The following XPOT variants were observed in gnomAD, a reference collection of about 807,000 sequenced individuals.
The protein encoded by XPOT is exportin for tRNA.
In XPOT, 34 loss-of-function variants were observed where a neutral mutation model predicts 128.2. The observed-to-expected ratio is 0.27, with a 90% CI of 0.20 to 0.35. The LOEUF is 0.35. XPOT is among the 10% of genes least tolerant of loss of function. XPOT has a pLI of 1.00. For missense variants in XPOT, 838 were observed against 1,125.3 expected, an observed-to-expected ratio of 0.74 and a Z score of 3.65; for synonymous variants, 348 against 394.3, an observed-to-expected ratio of 0.88 and a Z score of 1.39.
chr12:64,423,063 T>C lies in XPOT; in HGVS notation c.1119+20T>C. On this transcript the variant is annotated intron_variant, in intron 10 of 24. Transcript: ENST00000332707. ...GTAGAGGTAATTGACTTTATGCTTCTTTTAAACCAATGATAGATTTTTAGT... is the reference window on the plus strand; with the variant it reads ...GTAGAGGTAATTGACTTTATGCTTCCTTTAAACCAATGATAGATTTTTAGT... 6.2e-7 allele frequency: 1 copy of C among 1,612,396 alleles called. No individual in the cohort carries two copies. Among genetic ancestry groups the C allele is most frequent in the Non-Finnish European group, 8.5e-7 (1 of 1,179,456 alleles).
chr12:64,445,931 C>T (rs1450381977), intron 24 of XPOT, among the ~76,000 whole-genome samples: 4 of 152,206 alleles, frequency 2.6e-5, no homozygotes, highest in African/African-American at 9.6e-5. Context: ...AGTCAGAGGG[C>T]TTTGCGCAGT....
intron 17 of XPOT, among the ~76,000 whole-genome samples, chr12:64,430,908 C>T (rs974713316): frequency 6.6e-6 from 1 of 152,048 alleles, no homozygotes; most frequent in African/African-American, 2.4e-5. Flanking sequence ...TCTTTTCTGT[C>T]CACTTTGTCA....
rs369937831 is a variant in XPOT at position 64,428,494 on chromosome 12, G to A, written c.1737+374G>A. 1.2e-4 allele frequency among the ~76,000 whole-genome samples: 19 copies of A among 152,044 alleles called. No homozygotes were observed. In the South Asian group the frequency reaches 3.5e-3, roughly 28 times the overall value. On this transcript the variant is annotated intron_variant, in intron 16 of 24. Transcript: ENST00000332707. ...AATTATTCTGTTTAATCCTATAATT[G>A]TATTAGCCATTCTTAGCAGCTGCTA...
rs1453604358 is a variant in XPOT at position 64,449,748 on chromosome 12, A to ATC, written c.*1618_*1619insCT. The ATC allele has an allele frequency of 6.6e-6, 1 of 152,276 alleles. No homozygotes were observed. Among genetic ancestry groups the ATC allele is most frequent in the African/African-American group, 2.4e-5 (1 of 41,474 alleles). 9.4% of individuals were successfully genotyped at this position (152,276 alleles called of 1,614,324 possible). ...TAATAAAAAATGTTTTCAGAAATAG[A>ATC]TAAGTGAAAGCTGAGTGTTTCTTTG... On this transcript the variant is annotated 3_prime_UTR_variant, in exon 25 of 25. Transcript: ENST00000332707.
At chr12:64,412,215 C>T (rs977168958) in intron 2 of XPOT, among the ~76,000 whole-genome samples, 11 of 151,876 alleles carry the variant, frequency 7.2e-5, no homozygotes, top group African/African-American at 2.7e-4. Flanking sequence ...TTGGTGGAGA[C>T]GGGGTTTCAC....
rs1215029108 is a variant in XPOT, at chr12:64,423,175, T to G, written c.1120-7T>G. ...AAAAACTCTTTTATTCTCAATTTTA[T>G]TCTTAGGCAATCATGTTGGCCGTTA... On this transcript the variant is annotated splice_region_variant and splice_polypyrimidine_tract_variant and intron_variant, in intron 10 of 24. Transcript: ENST00000332707. 6.2e-7 allele frequency: 1 copy of G among 1,600,912 alleles called. No individual in the cohort carries two copies. Among genetic ancestry groups the G allele is most frequent in the Non-Finnish European group, 8.5e-7 (1 of 1,176,050 alleles).
At chr12:64,431,284 A>T (rs1484389701) in intron 17 of XPOT, among the ~76,000 whole-genome samples, 2 of 152,198 alleles carry the variant, frequency 1.3e-5, no homozygotes, top group African/African-American at 4.8e-5. Flanking sequence ...GTAGACTCAC[A>T]TTAGAAGGAT....
intron 2 of XPOT, among the ~76,000 whole-genome samples, chr12:64,413,196 A>C (rs2040056472): frequency 6.6e-6 from 1 of 152,188 alleles, no homozygotes; most frequent in South Asian, 2.1e-4. Flanking sequence ...TTGACCCCGA[A>C]GTCTCTAGTG....
chr12:64,441,911 C>T (rs552629344), intron 23 of XPOT, among the ~76,000 whole-genome samples: 19 of 152,000 alleles, frequency 1.3e-4, no homozygotes, highest in African/African-American at 4.3e-4. Flanking sequence ...AACTCCTAAC[C>T]TCAGTGATCT....
rs774391236 is a variant in XPOT, at chr12:64,421,267, T to C, written c.876T>C (p.Ser292=). The C allele has an allele frequency of 5.8e-5, 93 of 1,613,922 alleles. 4 individuals are homozygous for C. The South Asian group carries it at 1.0e-3, about 17-fold the overall frequency. ...EEDVDFLARF[S]KLVNGMGQSL... is the part of the protein sequence containing the mutation. Reference sequence around the variant, plus strand: ...ATGTTGACTTCCTGGCCAGATTTTCTAAGTTGGTAAATGGAATGGGACAGT... The same window carrying C: ...ATGTTGACTTCCTGGCCAGATTTTCCAAGTTGGTAAATGGAATGGGACAGT... The change falls in exon 9 of 25, where the codon TCT becomes TCC. Residue 292 remains serine (S), a synonymous_variant. Transcript: ENST00000332707.
intron 3 of XPOT, 124 bp downstream of exon 3, chr12:64,415,113 A>C: frequency 1.6e-6 from 1 of 643,944 alleles, no homozygotes; most frequent in East Asian, 2.7e-5. Flanking sequence ...TTTTTTTGCA[A>C]AGCCATTAAC....
At position 64,429,165 on chromosome 12, in the gene XPOT, T is replaced by C. The variant is rs576711232; in HGVS notation, c.1738-884T>C. On this transcript the variant is annotated intron_variant, in intron 16 of 24. Transcript: ENST00000332707. Reference sequence around the variant, plus strand: ...GTGTTTACACACACAGTTAATGCTGTGTGTAATGTACTTTTGCAGAGTCAA... The same window carrying C: ...GTGTTTACACACACAGTTAATGCTGCGTGTAATGTACTTTTGCAGAGTCAA... Among the ~76,000 whole-genome samples the C allele has an allele frequency of 7.9e-5, 12 of 152,336 alleles. No homozygotes were observed. In the South Asian group the frequency reaches 2.5e-3, roughly 32 times the overall value.
At chr12:64,414,256 G>A (rs767820783) in intron 2 of XPOT, among the ~76,000 whole-genome samples, 2 of 152,166 alleles carry the variant, frequency 1.3e-5, no homozygotes, top group African/African-American at 2.4e-5. Flanking sequence ...ACTGTTACTT[G>A]TGATTACAAG....
intron 17 of XPOT, 76 bp downstream of exon 17, chr12:64,430,363 CAT>C (rs1248991367): frequency 7.8e-5 from 91 of 1,166,660 alleles, no homozygotes; most frequent in Non-Finnish European, 1.1e-4. Context: ...TGGGCACACA[CAT>C]TTGTGTTTCC....
At position 64,421,251 on chromosome 12, in the gene XPOT, TC is replaced by T. The variant is rs752092257; in HGVS notation, c.862del (p.Leu288TrpfsTer8). 1.9e-6 allele frequency: 3 copies of T among 1,613,678 alleles called. No homozygotes were observed. The highest frequency in any genetic ancestry group is 2.5e-6 in the Non-Finnish European group (3 of 1,179,746). ...FSIDQEEDVD[F>X]LARFSKLVNG... Reference sequence around the variant, plus strand: ...TGCTTATAGGAAGAAGATGTTGACTTCCTGGCCAGATTTTCTAAGTTGGTAA... The same window carrying T: ...TGCTTATAGGAAGAAGATGTTGACTTCTGGCCAGATTTTCTAAGTTGGTAA... On this transcript the variant is annotated frameshift_variant, in exon 9 of 25. Coordinates refer to ENST00000332707, the MANE Select transcript of XPOT (RefSeq NM_007235.6). LOFTEE classifies it high-confidence loss of function.
chr12:64,422,819 C>G (rs2040151417), intron 9 of XPOT, among the ~76,000 whole-genome samples, 186 bp from the exon 10 acceptor site: 1 of 149,684 alleles, frequency 6.7e-6, no homozygotes, highest in South Asian at 2.1e-4. Flanking sequence ...GGGAGGATCT[C>G]TTGAGCCAGG....
At chr12:64,412,751 C>T (rs559072090) in intron 2 of XPOT, among the ~76,000 whole-genome samples, 4 of 152,176 alleles carry the variant, frequency 2.6e-5, no homozygotes, top group Admixed American at 1.3e-4. Context: ...GTTATGGGCT[C>T]GGTCTTACAA....
chr12:64,447,247 G>A (rs1373939994), intron 24 of XPOT, among the ~76,000 whole-genome samples: 2 of 152,152 alleles, frequency 1.3e-5, no homozygotes, highest in Non-Finnish European at 2.9e-5. Flanking sequence ...GGGACACAGG[G>A]TCAAACCATA....
At chr12:64,418,826 G>C (rs562689868) in intron 5 of XPOT, 50 bp from the exon 6 acceptor site, 2 of 1,564,900 alleles carry the variant, frequency 1.3e-6, no homozygotes, top group Non-Finnish European at 1.7e-6. Flanking sequence ...GGTGTTTCTG[G>C]GTCTTTTCAA....
Sources: allele counts gnomAD v4.1 joint callset (sites outside exome capture counted in the v4.1 genomes callset), GRCh38; gene constraint gnomAD v4.1.1; transcripts MANE v1.5; gene names NCBI Gene and HGNC (gene_info 2026-07-23, HGNC 2026-07-21).